CLNK: variants seen among roughly 807,000 people sequenced by gnomAD.
The protein encoded by CLNK is cytokine dependent hematopoietic cell linker.
In CLNK, 74 loss-of-function variants were observed where a neutral mutation model predicts 68.6. The observed-to-expected ratio is 1.08, with a 90% CI of 0.89 to 1.31. The LOEUF is 1.31. Among genes scored for constraint, CLNK ranks in the 50% most tolerant of loss-of-function variants. The pLI is 0.00. For synonymous variants in CLNK, 198 were observed against 172.2 expected (o/e 1.15, Z -1.17); for missense variants, 553 against 515.3 (o/e 1.07, Z -0.71).
the CLNK span, among the ~76,000 whole-genome samples, chr4:10,699,494 C>CTCTCTATATATATATATATATA: frequency 7.0e-5 from 4 of 56,964 alleles, no homozygotes; most frequent in African/African-American, 3.6e-4. Context: ...CTCTCTCTCT[C>CTCTCTATATATATATATATATA]TATATATATA....
At chr4:10,704,226 C>T in the CLNK span, among the ~76,000 whole-genome samples, 1 of 152,072 alleles carries the variant, frequency 6.6e-6, no homozygotes, top group African/African-American at 2.4e-5. Flanking sequence ...CGTTGCAATC[C>T]ATCTTTCTCA....
chr4:10,708,447 G>A, the CLNK span, among the ~76,000 whole-genome samples: 4 of 152,166 alleles, frequency 2.6e-5, no homozygotes, highest in Admixed American at 1.3e-4. Context: ...CTTGCCCAAG[G>A]TGACATGCCC....
At chr4:10,505,250 C>T (rs1052004045) in intron 17 of CLNK, among the ~76,000 whole-genome samples, 4 of 152,180 alleles carry the variant, frequency 2.6e-5, no homozygotes, top group East Asian at 1.9e-4. Flanking sequence ...CAACCACCCA[C>T]GGCTCTCCAC....
intron 4 of CLNK, among the ~76,000 whole-genome samples, chr4:10,575,968 G>A (rs986492754): frequency 6.6e-6 from 1 of 152,054 alleles, no homozygotes; most frequent in Non-Finnish European, 1.5e-5. Context: ...AAATAATCTA[G>A]TTACAGACTG....
intron 16 of CLNK, among the ~76,000 whole-genome samples, chr4:10,509,965 C>T (rs548896705): frequency 6.6e-6 from 1 of 152,204 alleles, no homozygotes; most frequent in Admixed American, 6.5e-5. Context: ...CTTGGAGCCC[C>T]ATCTCCTGAC....
intron 2 of CLNK, among the ~76,000 whole-genome samples, chr4:10,609,194 C>T (rs1475536063): frequency 6.6e-6 from 1 of 152,222 alleles, no homozygotes; most frequent in East Asian, 1.9e-4. Context: ...TCTCTTTTCC[C>T]CATACTCCTA....
intron 8 of CLNK, among the ~76,000 whole-genome samples, chr4:10,556,876 G>C (rs1247729261): frequency 6.6e-6 from 1 of 151,952 alleles, no homozygotes; most frequent in African/African-American, 2.4e-5. Flanking sequence ...AGGAGTTCGC[G>C]ACCAGCCTGA....
At chr4:10,676,980 A>AT (rs10647095) in intron 1 of CLNK, among the ~76,000 whole-genome samples, 50,254 of 143,310 alleles carry the variant, frequency 0.35, 9,116 homozygotes, top group East Asian at 0.46. Flanking sequence ...TCTCGCCCCT[A>AT]TTTTTTTTTT....
rs75354473 is a variant in CLNK, at chr4:10,486,559, C to T, written c.*3908G>A. The T allele has an allele frequency of 5.3e-5, 8 of 152,152 alleles. No individual in the cohort carries two copies. In the East Asian group the frequency reaches 1.5e-3, roughly 29 times the overall value. 9.4% of individuals were successfully genotyped at this position (152,152 alleles called of 1,614,324 possible). On this transcript the variant is annotated 3_prime_UTR_variant, in exon 19 of 19. Coordinates refer to ENST00000226951, the MANE Select transcript of CLNK (RefSeq NM_052964.4). ...ATAAAAATTTGTATTTGTGTACACACATACATAATTGGCTACATTCGACAA... is the reference window on the plus strand; with the variant it reads ...ATAAAAATTTGTATTTGTGTACACATATACATAATTGGCTACATTCGACAA...
chr4:10,607,438 G>A (rs1417252583), intron 2 of CLNK, among the ~76,000 whole-genome samples: 3 of 152,192 alleles, frequency 2.0e-5, no homozygotes, highest in Non-Finnish European at 4.4e-5. Context: ...TATCTTGCAG[G>A]AAGCTTCATT....
At chr4:10,600,158 T>G (rs1178440651) in intron 2 of CLNK, among the ~76,000 whole-genome samples, 1 of 152,172 alleles carries the variant, frequency 6.6e-6, no homozygotes, top group Non-Finnish European at 1.5e-5. Flanking sequence ...TTTTTTTTCT[T>G]AATGCTCCCA....
At chr4:10,571,851 T>C in intron 4 of CLNK, 73 bp from the exon 5 acceptor site, 4 of 1,143,784 alleles carry the variant, frequency 3.5e-6, no homozygotes, top group Non-Finnish European at 1.3e-6. Context: ...ACTGGGCCCT[T>C]GTTTTTCTCC....
At chr4:10,551,568 T>A (rs974866887) in intron 8 of CLNK, among the ~76,000 whole-genome samples, 15 of 152,054 alleles carry the variant, frequency 9.9e-5, no homozygotes, top group Non-Finnish European at 1.9e-4. Flanking sequence ...CACCCCCTCC[T>A]GTAATACCCT....
intron 1 of CLNK, among the ~76,000 whole-genome samples, chr4:10,676,456 G>A (rs1724879659): frequency 7.0e-6 from 1 of 143,182 alleles, no homozygotes; most frequent in Non-Finnish European, 1.5e-5. Flanking sequence ...ATTATGTATG[G>A]CACATTTTTA....
chr4:10,611,134 A>G (rs996600272), intron 2 of CLNK, among the ~76,000 whole-genome samples: 1 of 152,226 alleles, frequency 6.6e-6, no homozygotes, highest in Non-Finnish European at 1.5e-5. Context: ...CCTGCCCAAC[A>G]TGGTGAAACC....
intron 8 of CLNK, among the ~76,000 whole-genome samples, chr4:10,545,503 C>T (rs1376246126): frequency 6.6e-6 from 1 of 152,072 alleles, no homozygotes; most frequent in Non-Finnish European, 1.5e-5. Flanking sequence ...GTGCTTAGTC[C>T]ACCCAGCTCT....
chr4:10,661,797 T>C (rs1456446385), intron 2 of CLNK, among the ~76,000 whole-genome samples: 3 of 152,234 alleles, frequency 2.0e-5, no homozygotes, highest in Non-Finnish European at 4.4e-5. Flanking sequence ...AGGAATTTTC[T>C]TGCTGTTTCC....
At chr4:10,711,270 A>C in the CLNK span, among the ~76,000 whole-genome samples, 5 of 152,270 alleles carry the variant, frequency 3.3e-5, no homozygotes, top group East Asian at 1.9e-4. Context: ...TCCTTTCTTC[A>C]TGGAGTACAG....
chr4:10,654,055 T>C (rs568366598), intron 2 of CLNK, among the ~76,000 whole-genome samples: 1 of 144,574 alleles, frequency 6.9e-6, no homozygotes, highest in East Asian at 2.8e-4. Flanking sequence ...ACATAGTCTC[T>C]TGTCCAGAAT....
Sources: allele counts gnomAD v4.1 joint callset (sites outside exome capture counted in the v4.1 genomes callset), GRCh38; gene constraint gnomAD v4.1.1; transcripts MANE v1.5; gene names NCBI Gene and HGNC (gene_info 2026-07-23, HGNC 2026-07-21).